The following FBXL2 variants were observed in gnomAD, a reference collection of about 807,000 sequenced individuals.
FBXL2 encodes F-box and leucine rich repeat protein 2.
In FBXL2, 38 loss-of-function variants were observed where a neutral mutation model predicts 69.2. The observed-to-expected ratio is 0.55, with a 90% confidence interval of 0.42 to 0.72. The LOEUF (loss-of-function observed/expected upper bound fraction) is 0.72, where lower values mean the gene tolerates loss of function less well. Among genes scored for constraint, FBXL2 ranks in the 30% least tolerant of loss-of-function variants. The probability of loss-of-function intolerance (pLI) is 0.00; values close to 1 mark genes in which losing one functional copy is unlikely to be tolerated. For missense variants in FBXL2, 354 were observed against 520.3 expected (o/e 0.68, Z 3.11); for synonymous variants, 192 against 201.3 (o/e 0.95, Z 0.39).
chr3:33,415,261 A>G, the FBXL2 span, among the ~76,000 whole-genome samples: 2 of 152,214 alleles, frequency 1.3e-5, no homozygotes, highest in African/African-American at 4.8e-5. Flanking sequence ...GACAAAGACA[A>G]TTGCTTCAGA....
intron 2 of FBXL2, among the ~76,000 whole-genome samples, chr3:33,353,587 G>A (rs1284247259): frequency 2.0e-5 from 3 of 152,132 alleles, no homozygotes; most frequent in Non-Finnish European, 2.9e-5. Context: ...AAACTATAGC[G>A]ACATTAGAAA....
intron 14 of FBXL2, 85 bp downstream of exon 14, chr3:33,384,286 C>T (rs915870920): frequency 1.8e-5 from 24 of 1,352,066 alleles, no homozygotes; most frequent in African/African-American, 1.4e-4. Flanking sequence ...GGGCTAGGCA[C>T]GCGGTGGCTC....
intron 12 of FBXL2, chr3:33,402,710 A>C: frequency 1.0e-6 from 1 of 954,494 alleles, no homozygotes; most frequent in Non-Finnish European, 1.5e-6. Context: ...GGTACAATAC[A>C]AACAAAAGGC....
chr3:33,287,024 C>T (rs567924422), intron 1 of FBXL2, among the ~76,000 whole-genome samples: 40 of 152,266 alleles, frequency 2.6e-4, no homozygotes, highest in Middle Eastern at 3.4e-3. Context: ...ATGGGCTGCA[C>T]CCACGGTCCG....
At chr3:33,289,420 A>G (rs995265591) in intron 1 of FBXL2, among the ~76,000 whole-genome samples, 7 of 152,220 alleles carry the variant, frequency 4.6e-5, no homozygotes, top group African/African-American at 1.7e-4. Context: ...CCACTCTGGT[A>G]GTGAGAAAAG....
At chr3:33,291,156 C>T (rs1265792797) in intron 1 of FBXL2, among the ~76,000 whole-genome samples, 1 of 152,124 alleles carries the variant, frequency 6.6e-6, no homozygotes, top group African/African-American at 2.4e-5. Context: ...GTCTCAAACT[C>T]CTGAGCTAAG....
chr3:33,340,574 AT>A (rs1269110761), intron 2 of FBXL2, among the ~76,000 whole-genome samples: 3 of 119,330 alleles, frequency 2.5e-5, no homozygotes, highest in Admixed American at 9.6e-5. Flanking sequence ...GGTTATTTTG[AT>A]TAAAAAAAAA....
rs2039902057 is a variant in FBXL2, at chr3:33,340,115, A to AGG, written c.66-18849_66-18848dup. On this transcript the variant is annotated intron_variant, in intron 2 of 14. Coordinates refer to ENST00000484457, the MANE Select transcript of FBXL2 (RefSeq NM_012157.5). Reference sequence around the variant, plus strand: ...AAATTCAGAGGTGTTTACTTCTGGGAGGGGATGTATTTTGTTTATCTCTGG... The same window carrying AGG: ...AAATTCAGAGGTGTTTACTTCTGGGAGGGGGGATGTATTTTGTTTATCTCTGG... 5.3e-5 allele frequency among the ~76,000 whole-genome samples: 8 copies of AGG among 152,154 alleles called. No individual in the cohort carries two copies. The South Asian group carries it at 1.7e-3, about 32-fold the overall frequency.
At chr3:33,298,292 G>A (rs1213936312) in intron 2 of FBXL2, among the ~76,000 whole-genome samples, 2 of 152,116 alleles carry the variant, frequency 1.3e-5, no homozygotes, top group African/African-American at 2.4e-5. Context: ...TTTGGTTGTT[G>A]TTTTTACTAA....
At chr3:33,330,251 T>C (rs1211077565) in intron 2 of FBXL2, among the ~76,000 whole-genome samples, 2 of 148,606 alleles carry the variant, frequency 1.3e-5, no homozygotes, top group Admixed American at 1.4e-4. Flanking sequence ...CCAATCATAG[T>C]CCAAACTGGG....
At chr3:33,370,896 T>A (rs967168656) in intron 5 of FBXL2, among the ~76,000 whole-genome samples, 1 of 152,218 alleles carries the variant, frequency 6.6e-6, no homozygotes, top group Non-Finnish European at 1.5e-5. Flanking sequence ...ATTGTTTTCA[T>A]AAAGTTTGGG....
At chr3:33,372,793 ACTCACCAAGC>A (rs2042378306) in intron 5 of FBXL2, 1 of 502,118 alleles carries the variant, frequency 2.0e-6, no homozygotes, top group Non-Finnish European at 3.6e-6. Flanking sequence ...TTCGGTGATG[ACTCACCAAGC>A]TGTGGGTAAA....
intron 2 of FBXL2, among the ~76,000 whole-genome samples, chr3:33,311,631 C>T (rs2037204563): frequency 6.8e-6 from 1 of 148,116 alleles, no homozygotes; most frequent in African/African-American, 2.5e-5. Context: ...TTGTTTGGCT[C>T]TTTTTTTTTT....
chr3:33,411,541 A>G, the FBXL2 span: 1 of 1,552,074 alleles, frequency 6.4e-7, no homozygotes, highest in Non-Finnish European at 8.9e-7. Flanking sequence ...TGACCTAAAT[A>G]ACTAGGTTAG....
intron 1 of FBXL2, among the ~76,000 whole-genome samples, chr3:33,296,051 A>G (rs2035719231): frequency 6.6e-6 from 1 of 151,954 alleles, no homozygotes; most frequent in Non-Finnish European, 1.5e-5. Flanking sequence ...CCTTTGAAGT[A>G]CAAAGGTCTT....
intron 2 of FBXL2, among the ~76,000 whole-genome samples, chr3:33,298,876 A>G (rs2035995709): frequency 6.6e-6 from 1 of 151,928 alleles, no homozygotes; most frequent in South Asian, 2.1e-4. Flanking sequence ...GTGATCAAAT[A>G]ACTATAGGAA....
chr3:33,279,180 G>A (rs1292671948), intron 1 of FBXL2, among the ~76,000 whole-genome samples: 4 of 152,174 alleles, frequency 2.6e-5, no homozygotes, highest in African/African-American at 7.2e-5. Flanking sequence ...TGATTGATAA[G>A]GTGTCCAGGC....
chr3:33,286,745 C>G (rs1383840603), intron 1 of FBXL2, among the ~76,000 whole-genome samples: 6 of 152,232 alleles, frequency 3.9e-5, no homozygotes, highest in African/African-American at 1.4e-4. Context: ...TGGCGGGCCC[C>G]TCTCCTCCAG....
At chr3:33,334,909 C>G (rs2039451342) in intron 2 of FBXL2, among the ~76,000 whole-genome samples, 1 of 151,864 alleles carries the variant, frequency 6.6e-6, no homozygotes, top group Admixed American at 6.6e-5. Flanking sequence ...AGTGAAACCC[C>G]ATCTGTACCA....
Sources: gnomAD v4.1 joint callset for allele counts (sites outside exome capture counted in the v4.1 genomes callset) on GRCh38, gnomAD v4.1.1 for gene constraint, MANE v1.5 for transcripts, NCBI Gene and HGNC (gene_info 2026-07-23, HGNC 2026-07-21) for gene names.